Variants in SOD2 observed in about 807,000 individuals in gnomAD.
SOD2 encodes superoxide dismutase 2.
SOD2 carries 11 observed loss-of-function variants against 27.0 expected under a neutral mutation model. The observed-to-expected ratio is 0.41, with a 90% CI of 0.26 to 0.67. SOD2 has a LOEUF of 0.67. Ranked by LOEUF, SOD2 falls within the 30% of genes least tolerant of loss-of-function variation. The probability of loss-of-function intolerance (pLI) is 0.34; values close to 1 mark genes in which losing one functional copy is unlikely to be tolerated. For missense variants in SOD2, 250 were observed against 274.5 expected (o/e 0.91, Z 0.63); for synonymous variants, 105 against 103.0 (o/e 1.02, Z -0.12).
intron 1 of SOD2, among the ~76,000 whole-genome samples, chr6:159,735,657 G>T (rs1778865591): frequency 6.6e-6 from 1 of 152,112 alleles, no homozygotes; most frequent in Non-Finnish European, 1.5e-5. Context: ...GCTGAGGCAG[G>T]AGAATTGCTT....
chr6:159,696,045 C>T (rs1777416692), upstream of SOD2, among the ~76,000 whole-genome samples: 1 of 152,210 alleles, frequency 6.6e-6, no homozygotes, highest in Non-Finnish European at 1.5e-5. Flanking sequence ...GAGATGAAGT[C>T]ATTTTGAGCC....
chr6:159,736,364 A>T (rs1778915705), intron 1 of SOD2: 3 of 1,240,640 alleles, frequency 2.4e-6, no homozygotes, highest in South Asian at 1.3e-5. Flanking sequence ...AAGCACTTTA[A>T]AAAAAAATAG....
chr6:159,739,140 ATGT>A (rs1779092622), intron 1 of SOD2: 3 of 997,158 alleles, frequency 3.0e-6, no homozygotes, highest in Non-Finnish European at 3.0e-6. Context: ...ATTGTTTTTA[ATGT>A]TGTTCTATCC....
intron 1 of SOD2, among the ~76,000 whole-genome samples, chr6:159,738,522 T>C (rs1779055805): frequency 6.6e-6 from 1 of 152,236 alleles, no homozygotes; most frequent in Non-Finnish European, 1.5e-5. Context: ...TTTTTAGCTT[T>C]TACAAGTAAA....
intron 1 of SOD2, chr6:159,754,909 T>C: frequency 1.8e-6 from 2 of 1,105,640 alleles, no homozygotes; most frequent in Non-Finnish European, 2.5e-6. Context: ...AGTGTGATTT[T>C]AGAATTGTAT....
chr6:159,758,350 T>C (rs892675117), intron 1 of SOD2, among the ~76,000 whole-genome samples: 31 of 152,222 alleles, frequency 2.0e-4, no homozygotes, highest in African/African-American at 7.5e-4. Flanking sequence ...TGCCCCCTGA[T>C]TGGTGCCCCA....
At chr6:159,746,106 C>T (rs1474451538), upstream of SOD2, among the ~76,000 whole-genome samples, 2 of 152,198 alleles carry the variant, frequency 1.3e-5, no homozygotes, top group African/African-American at 2.4e-5. Context: ...CAAAGGCATA[C>T]ATAAAGTTCT....
intron 1 of SOD2, among the ~76,000 whole-genome samples, chr6:159,714,840 G>A (rs1777896757): frequency 6.6e-6 from 1 of 151,982 alleles, no homozygotes; most frequent in South Asian, 2.1e-4. Context: ...CTCCTTTCTT[G>A]GACCTTTAGT....
chr6:159,732,457 T>C (rs1778631736), intron 1 of SOD2, among the ~76,000 whole-genome samples: 1 of 152,222 alleles, frequency 6.6e-6, no homozygotes, highest in Admixed American at 6.5e-5. Flanking sequence ...TTTATGTTCG[T>C]ATATACATAG....
intron 1 of SOD2, chr6:159,755,539 T>C: frequency 1.2e-6 from 2 of 1,614,146 alleles, no homozygotes; most frequent in Non-Finnish European, 1.7e-6. Flanking sequence ...GGAAAGGTAA[T>C]CGAACTGTGG....
intron 1 of SOD2, chr6:159,760,875 T>C (rs557663402): frequency 2.0e-5 from 3 of 152,350 alleles, no homozygotes; most frequent in South Asian, 4.1e-4. Context: ...AGGAAACACA[T>C]TGAAGACAAC....
chr6:159,755,786 T>TTTTTTTTTTTTC (rs1779991539), intron 1 of SOD2: 1 of 1,012,990 alleles, frequency 9.9e-7, no homozygotes, highest in Non-Finnish European at 1.3e-6. Context: ...TTTTTTTTTT[T>TTTTTTTTTTTTC]TTTTGCTTCA....
intron 1 of SOD2, among the ~76,000 whole-genome samples, chr6:159,719,924 A>C (rs113438294): frequency 3.3e-5 from 5 of 151,262 alleles, no homozygotes; most frequent in African/African-American, 1.2e-4. Context: ...GGGTTTCACC[A>C]TGTTGGCTAG....
chr6:159,751,765 G>A (rs534021980), intron 1 of SOD2, among the ~76,000 whole-genome samples: 1 of 152,290 alleles, frequency 6.6e-6, no homozygotes, highest in East Asian at 1.9e-4. Flanking sequence ...AATTACATTA[G>A]GTTAGAAAAC....
upstream of SOD2, among the ~76,000 whole-genome samples, chr6:159,728,800 TG>T (rs1778387630): frequency 6.6e-6 from 1 of 152,218 alleles, no homozygotes. Context: ...TTTGGGTAGG[TG>T]TGTTTCTTAC....
At chr6:159,717,770 A>T (rs1351936968) in intron 1 of SOD2, among the ~76,000 whole-genome samples, 2 of 151,996 alleles carry the variant, frequency 1.3e-5, no homozygotes, top group African/African-American at 2.4e-5. Flanking sequence ...CTTCCATGAG[A>T]TCAACTTTTT....
chr6:159,741,307 G>A (rs1779242220), intron 1 of SOD2, among the ~76,000 whole-genome samples: 1 of 152,188 alleles, frequency 6.6e-6, no homozygotes, highest in South Asian at 2.1e-4. Context: ...ACAGTTAGAT[G>A]TGATTGTTAA....
rs748423903 is a variant in SOD2 at position 159,688,144 on chromosome 6, C to A, written c.325G>T (p.Gly109Cys). The part of the protein sequence containing the change: ...SIFWTNLSPN[G>C]GGEPKGELLE... Reference sequence around the variant, plus strand: ...TACCAACCTTTGGGTTCTCCACCACCGTTAGGGCTGAGGTTTGTCCAGAAA... The same window carrying A: ...TACCAACCTTTGGGTTCTCCACCACAGTTAGGGCTGAGGTTTGTCCAGAAA... Residue 109 changes from glycine (G) to cysteine (C), a missense_variant, in exon 3 of 5, where the codon GGT becomes TGT. Physicochemically the swap from Gly to Cys is radical, Grantham distance 159 (BLOSUM62 -3). Coordinates refer to ENST00000538183, the MANE Select transcript of SOD2 (RefSeq NM_000636.4). The A allele has an allele frequency of 6.2e-7, 1 of 1,608,940 alleles. No individual in the cohort carries two copies. The highest frequency in any genetic ancestry group is 8.5e-7 in the Non-Finnish European group (1 of 1,175,414).
chr6:159,683,199 T>C (rs1780035473), intron 4 of SOD2, among the ~76,000 whole-genome samples: 1 of 152,200 alleles, frequency 6.6e-6, no homozygotes, highest in African/African-American at 2.4e-5. Context: ...AAAAAAACTT[T>C]TGGTCTGGGC....
Sources: allele counts gnomAD v4.1 joint callset (sites outside exome capture counted in the v4.1 genomes callset), GRCh38; gene constraint gnomAD v4.1.1; transcripts MANE v1.5; gene names NCBI Gene and HGNC (gene_info 2026-07-23, HGNC 2026-07-21).